ALPL: variants seen among roughly 807,000 people sequenced by gnomAD.
The protein encoded by ALPL is alkaline phosphatase, biomineralization associated.
In ALPL, 42 loss-of-function variants were observed where a neutral mutation model predicts 51.3. The observed-to-expected ratio is 0.82, with a 90% confidence interval of 0.64 to 1.06. The LOEUF (loss-of-function observed/expected upper bound fraction) is 1.06. Among genes scored for constraint, ALPL ranks in the 50% least tolerant of loss-of-function variants. The probability of loss-of-function intolerance (pLI) is 0.00; values close to 1 mark genes in which losing one functional copy is unlikely to be tolerated. For synonymous variants in ALPL, 279 were observed against 296.4 expected (o/e 0.94, Z 0.60); for missense variants, 589 against 709.4 (o/e 0.83, Z 1.93).
At chr1:21,558,654 TG>T (rs1239458389) in intron 2 of ALPL, among the ~76,000 whole-genome samples, 1 of 152,104 alleles carries the variant, frequency 6.6e-6, no homozygotes, top group African/African-American at 2.4e-5. Context: ...CTGAAATTGA[TG>T]CCCTCAGCAG....
At chr1:21,549,376 T>TC (rs1644291399) in intron 1 of ALPL, among the ~76,000 whole-genome samples, 1 of 152,144 alleles carries the variant, frequency 6.6e-6, no homozygotes, top group Non-Finnish European at 1.5e-5. Flanking sequence ...AAAAGACATC[T>TC]CCAACTCAAC....
intron 8 of ALPL, among the ~76,000 whole-genome samples, chr1:21,572,515 G>T (rs1277313830): frequency 2.0e-5 from 3 of 152,176 alleles, no homozygotes; most frequent in African/African-American, 7.2e-5. Flanking sequence ...GCATACAAAG[G>T]CTAGTGTGGG....
intron 8 of ALPL, among the ~76,000 whole-genome samples, chr1:21,573,447 AAG>A (rs1553414007): frequency 0.017 from 1,919 of 112,238 alleles, 33 homozygotes; most frequent in African/African-American, 0.046. Context: ...AAAAAAAAAA[AAG>A]AAAAGAAAAG....
intron 1 of ALPL, among the ~76,000 whole-genome samples, chr1:21,516,379 C>G (rs574143533): frequency 5.9e-5 from 9 of 152,284 alleles, no homozygotes; most frequent in Admixed American, 1.3e-4. Context: ...TTCTCTGCCT[C>G]ATTCCGCTGG....
chr1:21,573,518 C>A, intron 8 of ALPL, 147 bp from the exon 9 acceptor site: 1 of 923,338 alleles, frequency 1.1e-6, no homozygotes, highest in Non-Finnish European at 1.7e-6. Context: ...ACAAAAATCA[C>A]CCAGATAAGG....
chr1:21,523,901 C>T (rs1272301151), intron 1 of ALPL, among the ~76,000 whole-genome samples: 1 of 150,554 alleles, frequency 6.6e-6, no homozygotes, highest in East Asian at 1.9e-4. Flanking sequence ...AGATCCAGGC[C>T]TAGCTCTTTT....
intron 6 of ALPL, among the ~76,000 whole-genome samples, chr1:21,566,379 G>A (rs945977352): frequency 1.3e-5 from 2 of 152,150 alleles, no homozygotes; most frequent in African/African-American, 4.8e-5. Flanking sequence ...CACCTCCCGG[G>A]TTCAAGCGAT....
intron 1 of ALPL, among the ~76,000 whole-genome samples, chr1:21,531,108 C>G (rs1206374057): frequency 1.3e-5 from 2 of 152,012 alleles, no homozygotes; most frequent in Non-Finnish European, 2.9e-5. Flanking sequence ...CACCCACCAC[C>G]ACACCCGGCT....
chr1:21,528,899 G>A (rs1165263716), intron 1 of ALPL, among the ~76,000 whole-genome samples: 4 of 151,394 alleles, frequency 2.6e-5, no homozygotes, highest in East Asian at 2.0e-4. Flanking sequence ...GCGAAACCCC[G>A]TCTCTACTAA....
At chr1:21,528,951 T>C (rs1558531352) in intron 1 of ALPL, among the ~76,000 whole-genome samples, 1 of 151,180 alleles carries the variant, frequency 6.6e-6, no homozygotes, top group East Asian at 2.0e-4. Context: ...GCGCCTGTAA[T>C]CCCAGCTACT....
In ALPL at chr1:21,554,021, CTCCCA is replaced by C; in HGVS notation, c.-60_-56del. On this transcript the variant is annotated 5_prime_UTR_variant, in exon 2 of 12. Transcript: ENST00000374840. ...CATCTGACCACTGCCAGCCCACCCC[CTCCCA>C]CCCACGTCGATTGCATCTCTGGGCT... 3.7e-6 allele frequency: 4 copies of C among 1,080,972 alleles called. No homozygotes were observed. Among genetic ancestry groups the C allele is most frequent in the African/African-American group, 1.6e-5 (1 of 64,484 alleles). The allele number at this position is 1,080,972 out of a possible 1,614,324, so 67.0% of individuals were successfully genotyped here.
chr1:21,547,135 G>A (rs1182528196), intron 1 of ALPL, among the ~76,000 whole-genome samples: 1 of 152,246 alleles, frequency 6.6e-6, no homozygotes, highest in Non-Finnish European at 1.5e-5. Context: ...CTCAGCAGGT[G>A]CTCTGTAGGT....
intron 1 of ALPL, among the ~76,000 whole-genome samples, chr1:21,552,840 GTTTC>G (rs1295603910): frequency 6.6e-6 from 1 of 152,164 alleles, no homozygotes; most frequent in African/African-American, 2.4e-5. Flanking sequence ...TATTACTGCT[GTTTC>G]CCACAACAAA....
At position 21,568,177 on chromosome 1, in the gene ALPL, A is replaced by G. The variant is rs1326394744; in HGVS notation, c.722A>G (p.Lys241Arg). Reference sequence around the variant, plus strand: ...GATGTGGAGTATGAGAGTGACGAGAAAGCCAGGGGCACGAGGCTGGACGGC... The same window carrying G: ...GATGTGGAGTATGAGAGTGACGAGAGAGCCAGGGGCACGAGGCTGGACGGC... ...KTDVEYESDE[K>R]ARGTRLDGLD... The change falls in exon 7 of 12, where the codon AAA becomes AGA. Residue 241 changes from lysine (K) to arginine (R), a missense_variant. Coordinates refer to ENST00000374840, the MANE Select transcript of ALPL (RefSeq NM_000478.6). 6.2e-7 allele frequency: 1 copy of G among 1,614,028 alleles called. No homozygotes were observed. The highest frequency in any genetic ancestry group is 8.5e-7 in the Non-Finnish European group (1 of 1,180,022).
intron 6 of ALPL, 127 bp from the exon 7 acceptor site, chr1:21,567,977 C>A: frequency 1.6e-6 from 2 of 1,286,006 alleles, no homozygotes; most frequent in Non-Finnish European, 2.2e-6. Flanking sequence ...TGAGGCCTGG[C>A]TCACCAGGCT....
At chr1:21,566,947 G>T (rs1222776259) in intron 6 of ALPL, among the ~76,000 whole-genome samples, 1 of 152,152 alleles carries the variant, frequency 6.6e-6, no homozygotes, top group Admixed American at 6.5e-5. Context: ...TAGGTGGCAG[G>T]CCCTTGGTCA....
rs1322585469 is a variant in ALPL, at chr1:21,575,905, C to G, written c.1170C>G (p.Pro390=). Reference sequence around the variant, plus strand: ...TCTTCACATTTGGTGGATACACCCCCCGTGGCAACTCTATCTTTGGTAGGT... The same window carrying G: ...TCTTCACATTTGGTGGATACACCCCGCGTGGCAACTCTATCTTTGGTAGGT... ...SHVFTFGGYT[P]RGNSIFGLAP... Residue 390 remains proline (P), a synonymous_variant, in exon 10 of 12, where the codon CCC becomes CCG. Coordinates refer to ENST00000374840, the MANE Select transcript of ALPL (RefSeq NM_000478.6). The G allele has an allele frequency of 6.2e-7, 1 of 1,614,214 alleles. No individual in the cohort carries two copies. The highest frequency in any genetic ancestry group is 2.2e-5 in the East Asian group (1 of 44,878).
intron 6 of ALPL, among the ~76,000 whole-genome samples, chr1:21,565,912 G>A (rs1644557589): frequency 6.6e-6 from 1 of 152,166 alleles, no homozygotes; most frequent in Non-Finnish European, 1.5e-5. Context: ...TGTTATTTGG[G>A]AGTTTAATGA....
At chr1:21,533,768 C>T (rs1347335311) in intron 1 of ALPL, among the ~76,000 whole-genome samples, 2 of 151,872 alleles carry the variant, frequency 1.3e-5, no homozygotes, top group Non-Finnish European at 2.9e-5. Context: ...ACTAATAATA[C>T]AAAAATTAGC....
Sources: allele counts gnomAD v4.1 joint callset (sites outside exome capture counted in the v4.1 genomes callset), GRCh38; gene constraint gnomAD v4.1.1; transcripts MANE v1.5; gene names NCBI Gene and HGNC (gene_info 2026-07-23, HGNC 2026-07-21).